RARB: variants seen among roughly 807,000 people sequenced by gnomAD.
RARB encodes retinoic acid receptor beta.
RARB carries 17 observed loss-of-function variants against 51.9 expected under a neutral mutation model. The observed-to-expected ratio is 0.33, with a 90% CI of 0.22 to 0.49. The LOEUF is 0.49. RARB is among the 20% of genes least tolerant of loss of function. The pLI, the probability that RARB is intolerant of heterozygous loss-of-function variation, is 0.99. For synonymous variants in RARB, 215 were observed against 195.4 expected (o/e 1.10, Z -0.84); for missense variants, 369 against 550.8 (o/e 0.67, Z 3.30).
At chr3:24,857,135 T>TA (rs560164873) in intron 1 of RARB, among the ~76,000 whole-genome samples, 97 of 152,212 alleles carry the variant, frequency 6.4e-4, no homozygotes, top group African/African-American at 2.3e-3. Context: ...CTAAAGAAGT[T>TA]AAAAAAAATC....
At chr3:25,256,222 T>C (rs1358497444) in intron 5 of RARB, among the ~76,000 whole-genome samples, 1 of 152,170 alleles carries the variant, frequency 6.6e-6, no homozygotes, top group Non-Finnish European at 1.5e-5. Context: ...TGAACCAATA[T>C]TCCACTGAAA....
chr3:25,273,100 A>G (rs1409151753), intron 5 of RARB, among the ~76,000 whole-genome samples: 1 of 152,196 alleles, frequency 6.6e-6, no homozygotes, highest in Non-Finnish European at 1.5e-5. Context: ...AATAGCCCCA[A>G]GCTTCCTCAA....
intron 2 of RARB, among the ~76,000 whole-genome samples, chr3:25,003,159 C>A (rs929190681): frequency 6.8e-6 from 1 of 146,958 alleles, no homozygotes; most frequent in Non-Finnish European, 1.5e-5. Flanking sequence ...TATAACTCTG[C>A]TTGAATTGTT....
chr3:25,031,697 T>A (rs577372760), intron 2 of RARB, among the ~76,000 whole-genome samples: 9 of 152,314 alleles, frequency 5.9e-5, no homozygotes, highest in African/African-American at 2.2e-4. Context: ...GAACTGTCTA[T>A]GGAGTTGCAT....
chr3:25,259,527 A>C (rs1448843775), intron 5 of RARB, among the ~76,000 whole-genome samples: 1 of 152,152 alleles, frequency 6.6e-6, no homozygotes, highest in Non-Finnish European at 1.5e-5. Flanking sequence ...CCTTTAGCCT[A>C]GGTCCCTGAA....
Position 25,596,681 on chromosome 3 carries a change from A to G in RARB, c.*65A>G. 1 of 1,392,478 alleles carries G rather than the reference A, an allele frequency of 7.2e-7. No individual in the cohort carries two copies. The highest frequency in any genetic ancestry group is 9.8e-7 in the Non-Finnish European group (1 of 1,019,904). The allele number at this position is 1,392,478 out of a possible 1,614,324, so 86.3% of individuals were successfully genotyped here. The stretch of plus-strand genomic sequence containing the variant: ...AGTTCCAGGATTTAAAATGCAAGAA[A>G]AAACATTTTTACTGCTGCTTAGTTT... On this transcript the variant is annotated 3_prime_UTR_variant, in exon 8 of 8. Coordinates refer to ENST00000330688, the MANE Select transcript of RARB (RefSeq NM_000965.5).
chr3:25,279,223 A>G (rs931189427), intron 5 of RARB, among the ~76,000 whole-genome samples: 1 of 152,188 alleles, frequency 6.6e-6, no homozygotes, highest in Non-Finnish European at 1.5e-5. Context: ...CAACACTGAA[A>G]CTTGGATCTT....
intron 5 of RARB, among the ~76,000 whole-genome samples, chr3:25,195,989 C>T (rs1292959584): frequency 4.6e-5 from 7 of 151,946 alleles, no homozygotes; most frequent in Admixed American, 3.9e-4. Context: ...ATTTGTTCCT[C>T]TGCTTCGAGT....
At chr3:25,560,036 T>G (rs1700210755) in intron 3 of RARB, among the ~76,000 whole-genome samples, 1 of 152,222 alleles carries the variant, frequency 6.6e-6, no homozygotes, top group South Asian at 2.1e-4. Context: ...AAGGTTATAG[T>G]TAATTGACTA....
intron 2 of RARB, among the ~76,000 whole-genome samples, chr3:25,461,720 C>T (rs966109368): frequency 6.6e-6 from 1 of 152,118 alleles, no homozygotes; most frequent in African/African-American, 2.4e-5. Flanking sequence ...ATGGCAAAAC[C>T]TCATCTCTAC....
chr3:25,246,992 G>C (rs1702578342), intron 5 of RARB, among the ~76,000 whole-genome samples: 2 of 152,222 alleles, frequency 1.3e-5, no homozygotes, highest in African/African-American at 4.8e-5. Flanking sequence ...GACTAGGGCT[G>C]CTGCCTTTCT....
intron 2 of RARB, among the ~76,000 whole-genome samples, chr3:25,491,244 G>T (rs1696719681): frequency 3.3e-5 from 5 of 152,112 alleles, no homozygotes; most frequent in Admixed American, 3.3e-4. Flanking sequence ...GAAGTTCTTT[G>T]TGTTCTTTTG....
intron 5 of RARB, among the ~76,000 whole-genome samples, chr3:25,248,696 A>C (rs919857885): frequency 1.3e-5 from 2 of 152,102 alleles, no homozygotes; most frequent in Non-Finnish European, 1.5e-5. Flanking sequence ...TCCTTTTATA[A>C]AGGATAATTT....
At chr3:25,441,146 C>T (rs1472848430) in intron 1 of RARB, 1 of 171,054 alleles carries the variant, frequency 5.8e-6, no homozygotes, top group Non-Finnish European at 1.3e-5. Flanking sequence ...AGCACGTTCT[C>T]TACGTATGCA....
intron 2 of RARB, among the ~76,000 whole-genome samples, chr3:24,904,217 C>T (rs930003409): frequency 2.0e-5 from 3 of 151,988 alleles, no homozygotes; most frequent in Admixed American, 6.6e-5. Context: ...TTAATAGGAC[C>T]ATTTTGAGTA....
intron 5 of RARB, among the ~76,000 whole-genome samples, chr3:25,255,430 T>A (rs1186689740): frequency 1.3e-5 from 2 of 152,174 alleles, no homozygotes; most frequent in Non-Finnish European, 2.9e-5. Flanking sequence ...GTGAATTTCC[T>A]CCTCTGCCTT....
chr3:24,935,137 G>T (rs1695522871), intron 2 of RARB, among the ~76,000 whole-genome samples: 1 of 152,104 alleles, frequency 6.6e-6, no homozygotes, highest in Admixed American at 6.6e-5. Flanking sequence ...TCAGTAATGT[G>T]CTGTAGCTGG....
chr3:25,559,166 G>C (rs1034617964), intron 3 of RARB, among the ~76,000 whole-genome samples: 1 of 151,998 alleles, frequency 6.6e-6, no homozygotes, highest in Admixed American at 6.6e-5. Flanking sequence ...AGGCCTTTGC[G>C]CACATTGGTC....
chr3:25,573,904 C>A (rs530449169), intron 4 of RARB, among the ~76,000 whole-genome samples: 1 of 152,074 alleles, frequency 6.6e-6, no homozygotes, highest in South Asian at 2.1e-4. Context: ...CCCCGGAGAC[C>A]GCAGGAATGG....
Sources: gnomAD v4.1 joint callset for allele counts (sites outside exome capture counted in the v4.1 genomes callset) on GRCh38, gnomAD v4.1.1 for gene constraint, MANE v1.5 for transcripts, NCBI Gene and HGNC (gene_info 2026-07-23, HGNC 2026-07-21) for gene names.